Variants in MROH9 observed in about 807,000 individuals in gnomAD.
MROH9 encodes maestro heat like repeat family member 9, also known as maestro heat-like repeat-containing protein family member 9.
Under a neutral mutation model 98.2 loss-of-function variants are expected in MROH9, and 92 were observed. The observed-to-expected ratio is 0.94, with a 90% CI of 0.79 to 1.11. The LOEUF (loss-of-function observed/expected upper bound fraction) is 1.11, where lower values mean the gene tolerates loss of function less well. Among genes scored for constraint, MROH9 ranks in the 50% most tolerant of loss-of-function variants. The pLI is 0.00. For missense variants in MROH9, 1,057 were observed against 1,014.8 expected (o/e 1.04, Z -0.57); for synonymous variants, 397 against 368.9 (o/e 1.08, Z -0.87).
chr1:170,970,334 T>A (rs1359742669), intron 7 of MROH9, among the ~76,000 whole-genome samples: 1 of 151,918 alleles, frequency 6.6e-6, no homozygotes, highest in African/African-American at 2.4e-5. Context: ...GAAAACTTGA[T>A]CCTTTTTCTC....
intron 15 of MROH9, among the ~76,000 whole-genome samples, chr1:171,010,169 A>T (rs539151606): frequency 1.3e-4 from 20 of 151,550 alleles, no homozygotes; most frequent in Non-Finnish European, 2.7e-4. Context: ...TCATTGTTCA[A>T]CTCCCACTTA....
intron 8 of MROH9, 58 bp from the exon 9 acceptor site, chr1:170,983,364 T>G: frequency 8.1e-7 from 1 of 1,238,682 alleles, no homozygotes; most frequent in Non-Finnish European, 1.2e-6. Flanking sequence ...AATAGTAATG[T>G]CATAGAACAA....
chr1:171,052,442 T>G (rs887294834), intron 20 of MROH9, among the ~76,000 whole-genome samples: 12 of 152,056 alleles, frequency 7.9e-5, no homozygotes, highest in African/African-American at 2.9e-4. Context: ...TACCCTAAGT[T>G]CTCTCCATGG....
In MROH9 at chr1:171,064,286, C is replaced by A. The variant is rs1407090091; in HGVS notation, c.2532C>A (p.Gly844=). The part of the protein sequence containing the change: ...KPLYNYNSPN[G]QIDSPTDSKD... ...TTTACAATTATAACTCACCCAATGGCCAGATAGACAGTCCTACAGACAGTA... is the reference window on the plus strand; with the variant it reads ...TTTACAATTATAACTCACCCAATGGACAGATAGACAGTCCTACAGACAGTA... Residue 844 remains glycine (G), a synonymous_variant, in exon 22 of 22, where the codon GGC becomes GGA. Coordinates refer to ENST00000367759, the MANE Select transcript of MROH9 (RefSeq NM_001163629.2). 1.9e-6 allele frequency: 3 copies of A among 1,550,816 alleles called. No homozygotes were observed. The highest frequency in any genetic ancestry group is 1.4e-5 in the African/African-American group (1 of 72,966).
intron 15 of MROH9, 22 bp from the exon 16 acceptor site, chr1:171,014,095 C>G (rs2101832017): frequency 6.5e-7 from 1 of 1,544,488 alleles, no homozygotes; most frequent in Non-Finnish European, 8.7e-7. Flanking sequence ...TGCTTATAAA[C>G]TTATTAACTA....
At chr1:170,965,351 T>C (rs1481772139) in intron 7 of MROH9, 96 bp downstream of exon 7, 1 of 795,856 alleles carries the variant, frequency 1.3e-6, no homozygotes, top group African/African-American at 1.7e-5. Flanking sequence ...ACTTGACAGG[T>C]CCTTGGTATT....
chr1:170,946,715 G>A lies in MROH9; in HGVS notation c.26-812G>A, dbSNP rs1024828013. On this transcript the variant is annotated intron_variant, in intron 2 of 21. Transcript: ENST00000367759. ...AAGATCTAGAAAATCTAAATATACC[G>A]ATTAAAATAGAAGACATAAAATAAT... 5.9e-5 allele frequency among the ~76,000 whole-genome samples: 9 copies of A among 151,766 alleles called. No homozygotes were observed. The East Asian group carries it at 1.2e-3, about 20-fold the overall frequency.
intron 6 of MROH9, among the ~76,000 whole-genome samples, chr1:170,963,350 G>C (rs894679140): frequency 6.6e-6 from 1 of 152,120 alleles, no homozygotes; most frequent in Non-Finnish European, 1.5e-5. Context: ...CAGGGTTGTG[G>C]AGAAAAATAA....
At chr1:170,957,112 C>T (rs1403431181) in intron 3 of MROH9, among the ~76,000 whole-genome samples, 2 of 149,302 alleles carry the variant, frequency 1.3e-5, no homozygotes, top group South Asian at 2.1e-4. Flanking sequence ...TTATCCCATT[C>T]CATAGGTTGT....
chr1:170,938,308 G>A (rs1463248429), intron 1 of MROH9, among the ~76,000 whole-genome samples: 1 of 152,166 alleles, frequency 6.6e-6, no homozygotes, highest in East Asian at 1.9e-4. Flanking sequence ...AAGCTAGTGG[G>A]ACACTAAGGA....
chr1:170,982,884 G>A (rs928191376), intron 8 of MROH9, among the ~76,000 whole-genome samples: 4 of 152,126 alleles, frequency 2.6e-5, no homozygotes, highest in Admixed American at 1.3e-4. Context: ...GTCAGAGCAA[G>A]ATCCGGGCTC....
intron 12 of MROH9, among the ~76,000 whole-genome samples, chr1:170,993,840 GT>G (rs1651457107): frequency 6.6e-6 from 1 of 151,834 alleles, no homozygotes; most frequent in Non-Finnish European, 1.5e-5. Flanking sequence ...TATTCCTATT[GT>G]TTTTATATGT....
chr1:171,002,614 G>T (rs1188561507), intron 15 of MROH9, among the ~76,000 whole-genome samples: 1 of 152,180 alleles, frequency 6.6e-6, no homozygotes, highest in African/African-American at 2.4e-5. Context: ...TTTATGCCGA[G>T]AAGTCTTCTG....
chr1:170,985,217 T>C (rs772807876), intron 9 of MROH9, among the ~76,000 whole-genome samples: 8 of 152,156 alleles, frequency 5.3e-5, no homozygotes, highest in Non-Finnish European at 1.0e-4. Context: ...TAACTCAAAA[T>C]GGCACCATTA....
chr1:171,007,239 C>A (rs1212880534), intron 15 of MROH9, among the ~76,000 whole-genome samples: 4 of 152,178 alleles, frequency 2.6e-5, no homozygotes, highest in Non-Finnish European at 5.9e-5. Context: ...TTACCACAGA[C>A]TCAAGAAGGT....
chr1:171,022,054 C>G (rs924487971), intron 17 of MROH9, among the ~76,000 whole-genome samples: 2 of 152,190 alleles, frequency 1.3e-5, no homozygotes, highest in African/African-American at 4.8e-5. Context: ...GAGATACCAT[C>G]TCACACCAGT....
chr1:171,047,691 G>A (rs1207352327), intron 20 of MROH9, among the ~76,000 whole-genome samples: 1 of 152,108 alleles, frequency 6.6e-6, no homozygotes, highest in Non-Finnish European at 1.5e-5. Flanking sequence ...GTGAGGTCAT[G>A]TTTTCCTGAA....
chr1:171,001,222 T>C (rs924369451), intron 15 of MROH9, among the ~76,000 whole-genome samples: 4 of 152,082 alleles, frequency 2.6e-5, no homozygotes, highest in Non-Finnish European at 5.9e-5. Context: ...TGTACTTTTT[T>C]CTTTGTTTGT....
At position 171,064,589 on chromosome 1, in the gene MROH9, A is replaced by G. The variant is rs1654111706; in HGVS notation, c.*249A>G. 2 of 369,982 alleles carry G rather than the reference A, an allele frequency of 5.4e-6. No individual in the cohort carries two copies. Among genetic ancestry groups the G allele is most frequent in the Non-Finnish European group, 9.5e-6 (2 of 209,688 alleles). The allele number at this position is 369,982 out of a possible 1,614,324, so 22.9% of individuals were successfully genotyped here. A position where few individuals can be genotyped will look rare whatever the true frequency, so the allele number is the denominator to read the frequency against. On this transcript the variant is annotated 3_prime_UTR_variant, in exon 22 of 22. Transcript: ENST00000367759. Reference sequence around the variant, plus strand: ...TCAGAAGCCCTATTTCATCAAAACCACTAAGACAATTGAAAATAACATAAG... The same window carrying G: ...TCAGAAGCCCTATTTCATCAAAACCGCTAAGACAATTGAAAATAACATAAG...
Sources: gnomAD v4.1 joint callset for allele counts (sites outside exome capture counted in the v4.1 genomes callset) on GRCh38, gnomAD v4.1.1 for gene constraint, MANE v1.5 for transcripts, NCBI Gene and HGNC (gene_info 2026-07-23, HGNC 2026-07-21) for gene names.